The following CACNG3 variants were observed in gnomAD, a reference collection of about 807,000 sequenced individuals.
The protein encoded by CACNG3 is voltage-dependent calcium channel gamma-3 subunit.
CACNG3 carries 3 observed loss-of-function variants against 28.5 expected under a neutral mutation model. The ratio of observed to expected loss-of-function variants is 0.11; its 90% CI spans 0.05 to 0.27. The LOEUF is 0.27. Among genes scored for constraint, CACNG3 ranks in the 10% least tolerant of loss-of-function variants. The probability of loss-of-function intolerance (pLI) is 1.00; values close to 1 mark genes in which losing one functional copy is unlikely to be tolerated. For missense variants in CACNG3, 236 were observed against 414.4 expected (o/e 0.57, Z 3.74); for synonymous variants, 174 against 162.2 (o/e 1.07, Z -0.55).
chr16:24,267,762 C>T (rs921632218), intron 1 of CACNG3, among the ~76,000 whole-genome samples: 1 of 152,134 alleles, frequency 6.6e-6, no homozygotes, highest in Admixed American at 6.5e-5. Flanking sequence ...CTCCGCCTCC[C>T]GAGATCAAGT....
intron 1 of CACNG3, among the ~76,000 whole-genome samples, chr16:24,333,764 C>G (rs530379989): frequency 6.2e-4 from 94 of 152,214 alleles, no homozygotes; most frequent in Non-Finnish European, 9.1e-4. Flanking sequence ...ATTTCTTGAG[C>G]CCAGTAGTTT....
At chr16:24,280,950 G>A (rs1898819054) in intron 1 of CACNG3, among the ~76,000 whole-genome samples, 2 of 151,494 alleles carry the variant, frequency 1.3e-5, no homozygotes, top group Admixed American at 6.6e-5. Context: ...GGAAGTGACA[G>A]AAAACTAAAT....
At chr16:24,356,582 G>T (rs530385472) in intron 3 of CACNG3, among the ~76,000 whole-genome samples, 10 of 152,260 alleles carry the variant, frequency 6.6e-5, no homozygotes, top group Admixed American at 2.6e-4. Flanking sequence ...GGTGCCTATA[G>T]TTCCAGGTAG....
chr16:24,268,072 C>A (rs767860412), intron 1 of CACNG3, among the ~76,000 whole-genome samples: 21 of 147,464 alleles, frequency 1.4e-4, no homozygotes, highest in Middle Eastern at 6.9e-3. Context: ...TATTATTTAA[C>A]CCTCCTGATT....
intron 1 of CACNG3, among the ~76,000 whole-genome samples, chr16:24,282,263 C>G (rs116908390): frequency 2.0e-5 from 3 of 152,074 alleles, no homozygotes; most frequent in African/African-American, 7.2e-5. Context: ...ATCCTATGGC[C>G]GCCTTTTCTA....
chr16:24,268,829 C>T (rs1235526006), intron 1 of CACNG3, among the ~76,000 whole-genome samples: 1 of 152,102 alleles, frequency 6.6e-6, no homozygotes, highest in East Asian at 1.9e-4. Flanking sequence ...GAGGAGTAAA[C>T]TTGAGCATGT....
intron 1 of CACNG3, among the ~76,000 whole-genome samples, chr16:24,290,116 A>G (rs910781843): frequency 6.6e-6 from 1 of 152,254 alleles, no homozygotes; most frequent in African/African-American, 2.4e-5. Context: ...AACATTACTA[A>G]TTAACATTTT....
At chr16:24,306,587 A>G (rs976605570) in intron 1 of CACNG3, among the ~76,000 whole-genome samples, 5 of 152,110 alleles carry the variant, frequency 3.3e-5, no homozygotes, top group South Asian at 2.1e-4. Context: ...GCTGTCCCCA[A>G]TTAAAAGAAG....
intron 2 of CACNG3, among the ~76,000 whole-genome samples, chr16:24,352,471 C>T (rs978296064): frequency 9.2e-5 from 14 of 152,170 alleles, no homozygotes; most frequent in Admixed American, 8.5e-4. Flanking sequence ...CTCAGGTCTA[C>T]CCCCGCAGTC....
At chr16:24,317,189 T>C (rs1899363164) in intron 1 of CACNG3, among the ~76,000 whole-genome samples, 1 of 152,192 alleles carries the variant, frequency 6.6e-6, no homozygotes, top group African/African-American at 2.4e-5. Flanking sequence ...GATTTTCCAA[T>C]TGAGGAAACT....
chr16:24,256,847 C>T lies in CACNG3; in HGVS notation c.93C>T (p.Asp31=), dbSNP rs1567427282. 1.9e-6 allele frequency: 3 copies of T among 1,613,280 alleles called. No individual in the cohort carries two copies. The highest frequency in any genetic ancestry group is 2.5e-6 in the Non-Finnish European group (3 of 1,179,342). ...FSLMTIAVGT[D]YWLYSRGVCR... Reference sequence around the variant, plus strand: ...TAATGACCATTGCAGTGGGCACGGACTACTGGTTATATTCCAGAGGTGTGT... The same window carrying T: ...TAATGACCATTGCAGTGGGCACGGATTACTGGTTATATTCCAGAGGTGTGT... Residue 31 remains aspartate, a synonymous_variant, in exon 1 of 4, where the codon GAC becomes GAT. Transcript: ENST00000005284. This position sits in a 1 kb window ranked among gnomAD's most constrained non-coding sequence, Gnocchi z 4.6.
At chr16:24,273,032 T>C (rs551166657) in intron 1 of CACNG3, among the ~76,000 whole-genome samples, 70 of 152,302 alleles carry the variant, frequency 4.6e-4, no homozygotes, top group African/African-American at 1.6e-3. Context: ...GTGTGTGTTG[T>C]TCCCCTCTAT....
chr16:24,316,645 A>AC (rs1044090250), intron 1 of CACNG3, among the ~76,000 whole-genome samples: 1 of 151,722 alleles, frequency 6.6e-6, no homozygotes, highest in Non-Finnish European at 1.5e-5. Flanking sequence ...CAGTTGAGAC[A>AC]CCCCCAGACT....
chr16:24,264,483 C>G (rs1296863404), intron 1 of CACNG3, among the ~76,000 whole-genome samples: 1 of 152,172 alleles, frequency 6.6e-6, no homozygotes, highest in Non-Finnish European at 1.5e-5. Flanking sequence ...CCATAGGACC[C>G]TCCAATAACC....
rs1396993096 is a variant in CACNG3 at position 24,362,065 on chromosome 16, C to A, written c.*202C>A. ...ATCCTCTCTAACTTTTCAAGCCAAT[C>A]CCTTAATGTCATTCCTCTCTCTGTG... On this transcript the variant is annotated 3_prime_UTR_variant, in exon 4 of 4. Coordinates refer to ENST00000005284, the MANE Select transcript of CACNG3 (RefSeq NM_006539.4). The A allele has an allele frequency of 3.9e-6, 2 of 513,906 alleles. No homozygotes were observed. The highest frequency in any genetic ancestry group is 3.6e-5 in the Admixed American group (1 of 27,864). The allele number at this position is 513,906 out of a possible 1,614,324, so 31.8% of individuals were successfully genotyped here.
intron 1 of CACNG3, among the ~76,000 whole-genome samples, chr16:24,346,502 C>G (rs1446955056): frequency 1.3e-5 from 2 of 152,126 alleles, no homozygotes; most frequent in African/African-American, 4.8e-5. Context: ...CACTTGAGCC[C>G]AAGAGTTCAA....
At chr16:24,284,015 T>A (rs962235696) in intron 1 of CACNG3, among the ~76,000 whole-genome samples, 3 of 152,226 alleles carry the variant, frequency 2.0e-5, no homozygotes, top group Non-Finnish European at 2.9e-5. Context: ...TTATTGAGAT[T>A]ATAAGTTTTA....
intron 1 of CACNG3, 118 bp downstream of exon 1, chr16:24,257,083 A>T (rs148582788): frequency 5.8e-6 from 4 of 693,614 alleles, no homozygotes; most frequent in Non-Finnish European, 1.0e-5. Context: ...ATTGCTGAGA[A>T]TGTGCAGGTG....
chr16:24,293,228 C>G (rs1364929761), intron 1 of CACNG3, among the ~76,000 whole-genome samples: 3 of 152,172 alleles, frequency 2.0e-5, no homozygotes, highest in Admixed American at 1.3e-4. Context: ...CAGCTCTGCC[C>G]TTAACTTTCT....
Sources: gnomAD v4.1 joint callset for allele counts (sites outside exome capture counted in the v4.1 genomes callset) on GRCh38, gnomAD v4.1.1 for gene constraint, Gnocchi (gnomAD v3.1) non-coding constraint, MANE v1.5 for transcripts, NCBI Gene and HGNC (gene_info 2026-07-23, HGNC 2026-07-21) for gene names.